The following FA2H variants were observed in gnomAD, a reference collection of about 807,000 sequenced individuals.
FA2H encodes fatty acid 2-hydroxylase, also known as fatty acid alpha-hydroxylase.
Under a neutral mutation model 44.9 loss-of-function variants are expected in FA2H, and 22 were observed. That is an observed-to-expected ratio of 0.49 (90% CI 0.35 to 0.70). FA2H has a LOEUF of 0.70. FA2H is among the 30% of genes least tolerant of loss of function. The pLI, the probability that FA2H is intolerant of heterozygous loss-of-function variation, is 0.01. For missense variants in FA2H, 501 were observed against 504.9 expected (o/e 0.99, Z 0.07); for synonymous variants, 243 against 213.2 (o/e 1.14, Z -1.22).
In FA2H at chr16:74,744,108, G is replaced by A. The variant is rs4999690; in HGVS notation, c.271-3993C>T. Among the ~76,000 whole-genome samples, 59,089 of 151,910 alleles carry A rather than the reference G, an allele frequency of 0.39. 11,939 individuals are homozygous for A. The highest frequency in any genetic ancestry group is 0.68 in the East Asian group (3,502 of 5,126). On this transcript the variant is annotated intron_variant, in intron 1 of 6. Coordinates refer to ENST00000219368, the MANE Select transcript of FA2H (RefSeq NM_024306.5). The stretch of plus-strand genomic sequence containing the variant: ...GGGTCCTGCCAGGAGCAGCTGTGCC[G>A]CACGCATGCCACACACGTTGATCTG...
At chr16:74,731,035 G>T (rs1262704333) in intron 2 of FA2H, among the ~76,000 whole-genome samples, 1 of 152,092 alleles carries the variant, frequency 6.6e-6, no homozygotes, top group East Asian at 1.9e-4. Context: ...GCTGTGCGCA[G>T]GATCCCTGTT....
chr16:74,766,347 C>T (rs1047378268), intron 1 of FA2H, among the ~76,000 whole-genome samples: 4 of 151,552 alleles, frequency 2.6e-5, no homozygotes, highest in Non-Finnish European at 5.9e-5. Flanking sequence ...AAGATAGGTT[C>T]AGGTAAAGAG....
chr16:74,774,419 G>C (rs916784858), intron 1 of FA2H, 67 bp downstream of exon 1: 1 of 1,425,724 alleles, frequency 7.0e-7, no homozygotes, highest in African/African-American at 1.5e-5. Context: ...AAGTGAACGG[G>C]GCTCGCCCGG....
rs137949747 is a variant in FA2H at position 74,760,670 on chromosome 16, G to A, written c.270+13816C>T. 1.5e-3 allele frequency among the ~76,000 whole-genome samples: 225 copies of A among 152,306 alleles called. 1 individual carries two copies. Among genetic ancestry groups the A allele is most frequent in the African/African-American group, 4.9e-3 (205 of 41,586 alleles). On this transcript the variant is annotated intron_variant, in intron 1 of 6. Coordinates refer to ENST00000219368, the MANE Select transcript of FA2H (RefSeq NM_024306.5). ...CTAGAAGACAAGTTTATGAAGTCTA[G>A]AAAGCAAACAGCTTCCGCCTAAGGA...
chr16:74,745,797 G>T (rs1279861743), intron 1 of FA2H, among the ~76,000 whole-genome samples: 2 of 130,058 alleles, frequency 1.5e-5, no homozygotes, highest in South Asian at 2.4e-4. Flanking sequence ...CACTGTCAAT[G>T]GATTTTTTTT....
At chr16:74,744,136 C>T (rs1228476301) in intron 1 of FA2H, among the ~76,000 whole-genome samples, 2 of 152,140 alleles carry the variant, frequency 1.3e-5, no homozygotes, top group Non-Finnish European at 2.9e-5. Context: ...TTGATCTGGG[C>T]CACGTTTTCC....
At chr16:74,722,775 G>A (rs190239209) in intron 4 of FA2H, among the ~76,000 whole-genome samples, 169 of 152,276 alleles carry the variant, frequency 1.1e-3, no homozygotes, top group African/African-American at 3.8e-3. Context: ...GCCGGTCATG[G>A]TGGTGCATGC....
At chr16:74,723,121 C>T (rs548176059) in intron 4 of FA2H, among the ~76,000 whole-genome samples, 1 of 152,330 alleles carries the variant, frequency 6.6e-6, no homozygotes, top group Admixed American at 6.5e-5. Context: ...GAGGGTACTA[C>T]GTTGGATTGC....
intron 1 of FA2H, 144 bp from the exon 2 acceptor site, chr16:74,740,259 T>C: frequency 1.4e-6 from 1 of 720,838 alleles, no homozygotes; most frequent in East Asian, 2.6e-5. Flanking sequence ...CGCTGGGTAC[T>C]TTGGAAAACA....
chr16:74,771,952 CTTTT>C (rs58570521), intron 1 of FA2H, among the ~76,000 whole-genome samples: 4 of 141,882 alleles, frequency 2.8e-5, no homozygotes, highest in African/African-American at 5.2e-5. Flanking sequence ...CCCTGGCTTC[CTTTT>C]TTTTTTTTTT....
chr16:74,754,702 A>AT (rs1273668217), intron 1 of FA2H, among the ~76,000 whole-genome samples: 1 of 151,816 alleles, frequency 6.6e-6, no homozygotes, highest in Non-Finnish European at 1.5e-5. Flanking sequence ...TAATTTTTGT[A>AT]TTTTTTATAG....
At chr16:74,761,570 C>T (rs1031245741) in intron 1 of FA2H, among the ~76,000 whole-genome samples, 5 of 152,128 alleles carry the variant, frequency 3.3e-5, no homozygotes, top group East Asian at 1.9e-4. Context: ...TCTTTATCTG[C>T]GTTCCTGAAG....
intron 1 of FA2H, among the ~76,000 whole-genome samples, chr16:74,746,727 C>A (rs1665332432): frequency 6.6e-6 from 1 of 152,164 alleles, no homozygotes; most frequent in Non-Finnish European, 1.5e-5. Context: ...GAAGGATGAG[C>A]AGAGACAGAC....
At chr16:74,718,836 C>G (rs1961765298) in intron 5 of FA2H, 152 bp downstream of exon 5, 2 of 900,422 alleles carry the variant, frequency 2.2e-6, no homozygotes, top group Admixed American at 4.1e-5. Flanking sequence ...GATGCCCAAC[C>G]CAGTTGCCCC....
At chr16:74,760,350 C>A (rs116539197) in intron 1 of FA2H, among the ~76,000 whole-genome samples, 2,830 of 152,288 alleles carry the variant, frequency 0.019, 83 homozygotes, top group African/African-American at 0.065. Flanking sequence ...ATTCTCTAGA[C>A]TGGCTAAACT....
At chr16:74,763,095 G>A (rs4888283) in intron 1 of FA2H, among the ~76,000 whole-genome samples, 68,285 of 151,904 alleles carry the variant, frequency 0.45, 16,253 homozygotes, top group African/African-American at 0.54. Context: ...TCCACAACAG[G>A]GTCCCAAAGT....
chr16:74,756,904 A>C (rs1461014522), intron 1 of FA2H, among the ~76,000 whole-genome samples: 2 of 149,046 alleles, frequency 1.3e-5, no homozygotes, highest in African/African-American at 5.0e-5. Flanking sequence ...AAACACAAGA[A>C]AAACACTAAG....
At position 74,727,337 on chromosome 16, in the gene FA2H, C is replaced by A; in HGVS notation, c.413G>T (p.Gly138Val). ...KPLLWQVGHL[G>V]EKYDEWVHQP... ...GTGAACCCACTCATCGTACTTCTCTCCCAAGTGGCCCACCTGCCACAGGAG... is the reference window on the plus strand; with the variant it reads ...GTGAACCCACTCATCGTACTTCTCTACCAAGTGGCCCACCTGCCACAGGAG... The change falls in exon 3 of 7, where the codon GGA becomes GTA. Residue 138 changes from glycine (G) to valine (V), a missense_variant. By Grantham distance (109) the Gly-to-Val change is moderately radical (BLOSUM62 -3). Coordinates refer to ENST00000219368, the MANE Select transcript of FA2H (RefSeq NM_024306.5). 6.2e-7 allele frequency: 1 copy of A among 1,614,184 alleles called. No homozygotes were observed. Among genetic ancestry groups the A allele is most frequent in the Non-Finnish European group, 8.5e-7 (1 of 1,180,044 alleles).
intron 3 of FA2H, 62 bp downstream of exon 3, chr16:74,727,182 A>T (rs1309357133): frequency 6.2e-7 from 1 of 1,610,986 alleles, no homozygotes; most frequent in African/African-American, 1.3e-5. Context: ...CTCCCTTTCC[A>T]TATCTGATTG....
Sources: allele counts gnomAD v4.1 joint callset (sites outside exome capture counted in the v4.1 genomes callset), GRCh38; gene constraint gnomAD v4.1.1; transcripts MANE v1.5; gene names NCBI Gene and HGNC (gene_info 2026-07-23, HGNC 2026-07-21).